The following MAF variants were observed in gnomAD, a reference collection of about 807,000 sequenced individuals.
MAF encodes transcription factor Maf.
MAF carries 10 observed loss-of-function variants against 22.0 expected under a neutral mutation model. That is an observed-to-expected ratio of 0.45 (90% CI 0.28 to 0.77). The LOEUF (loss-of-function observed/expected upper bound fraction) is 0.77, where lower values mean the gene tolerates loss of function less well. Among genes scored for constraint, MAF ranks in the 30% least tolerant of loss-of-function variants. The pLI, the probability that MAF is intolerant of heterozygous loss-of-function variation, is 0.12. For missense variants in MAF, 544 were observed against 548.4 expected (o/e 0.99, Z 0.08); for synonymous variants, 337 against 255.8 (o/e 1.32, Z -3.03).
At chr16:79,314,822 A>G in the MAF span, among the ~76,000 whole-genome samples, 3 of 152,108 alleles carry the variant, frequency 2.0e-5, no homozygotes, top group African/African-American at 4.8e-5. Flanking sequence ...TTCCCTTCCT[A>G]GAAGGCAGAG....
At chr16:79,363,316 G>A in the MAF span, among the ~76,000 whole-genome samples, 2 of 152,144 alleles carry the variant, frequency 1.3e-5, no homozygotes, top group Admixed American at 6.5e-5. Flanking sequence ...CCCAACCTAA[G>A]TTGAATATAT....
intron 1 of MAF, 173 bp from the exon 2 acceptor site, chr16:79,594,726 GTATT>G (rs1913412522): frequency 7.1e-7 from 1 of 1,412,914 alleles, no homozygotes; most frequent in Non-Finnish European, 9.2e-7. Flanking sequence ...AAAAAAACAT[GTATT>G]TGTTTGCTAC....
At chr16:79,410,219 G>C in the MAF span, among the ~76,000 whole-genome samples, 1 of 152,028 alleles carries the variant, frequency 6.6e-6, no homozygotes, top group Admixed American at 6.5e-5. Context: ...CCCTTTTTTT[G>C]TCTATAAATC....
chr16:79,460,744 TCTTA>T, the MAF span, among the ~76,000 whole-genome samples: 1 of 152,180 alleles, frequency 6.6e-6, no homozygotes, highest in Admixed American at 6.5e-5. Flanking sequence ...TTTCTCCAAG[TCTTA>T]CTTTAAAACA....
the MAF span, among the ~76,000 whole-genome samples, chr16:79,340,225 A>T: frequency 1.2e-4 from 19 of 152,134 alleles, no homozygotes; most frequent in African/African-American, 4.6e-4. Flanking sequence ...TTAAGCAGAG[A>T]TAACAGGAGA....
chr16:79,234,039 A>C, the MAF span, among the ~76,000 whole-genome samples: 1 of 151,592 alleles, frequency 6.6e-6, no homozygotes, highest in Non-Finnish European at 1.5e-5. Context: ...AAGATCAAAC[A>C]CCAATTTTTG....
the MAF span, among the ~76,000 whole-genome samples, chr16:79,294,997 T>C: frequency 7.2e-6 from 1 of 139,202 alleles, no homozygotes; most frequent in Non-Finnish European, 1.5e-5. Flanking sequence ...ACAGTCTACT[T>C]CCCCCTAGAG....
At chr16:79,393,570 T>A in the MAF span, among the ~76,000 whole-genome samples, 1 of 152,180 alleles carries the variant, frequency 6.6e-6, no homozygotes, top group African/African-American at 2.4e-5. Flanking sequence ...GCCTCCTCAC[T>A]CTTTTTTAGG....
At chr16:79,525,861 C>A in the MAF span, among the ~76,000 whole-genome samples, 4 of 152,118 alleles carry the variant, frequency 2.6e-5, no homozygotes. Flanking sequence ...AAGAAAGAGG[C>A]AAGAATTCGC....
At chr16:79,389,629 G>C in the MAF span, among the ~76,000 whole-genome samples, 1 of 151,592 alleles carries the variant, frequency 6.6e-6, no homozygotes, top group East Asian at 2.0e-4. Flanking sequence ...TCTTTTTTAA[G>C]TTTGGGAAAA....
chr16:79,255,075 C>T, the MAF span, among the ~76,000 whole-genome samples: 4 of 152,170 alleles, frequency 2.6e-5, no homozygotes, highest in South Asian at 2.1e-4. Flanking sequence ...TTTTATGTCT[C>T]CTGAAAACGT....
chr16:79,230,903 C>T, the MAF span, among the ~76,000 whole-genome samples: 1 of 151,970 alleles, frequency 6.6e-6, no homozygotes, highest in African/African-American at 2.4e-5. Flanking sequence ...TTTTTCTGAT[C>T]CTACGGGGTA....
chr16:79,278,336 TA>T, the MAF span, among the ~76,000 whole-genome samples: 1 of 152,244 alleles, frequency 6.6e-6, no homozygotes, highest in Non-Finnish European at 1.5e-5. Flanking sequence ...ATACCATGCT[TA>T]AAAACTACAG....
chr16:79,378,415 C>A, the MAF span, among the ~76,000 whole-genome samples: 1 of 152,090 alleles, frequency 6.6e-6, no homozygotes, highest in African/African-American at 2.4e-5. Flanking sequence ...TAAAACCAAG[C>A]TTGGCGAAAC....
At chr16:79,273,019 T>A in the MAF span, among the ~76,000 whole-genome samples, 1 of 152,228 alleles carries the variant, frequency 6.6e-6, no homozygotes, top group Non-Finnish European at 1.5e-5. Context: ...AAGAAGTATG[T>A]TAAAATGACA....
At chr16:79,397,055 T>C in the MAF span, among the ~76,000 whole-genome samples, 36 of 152,336 alleles carry the variant, frequency 2.4e-4, no homozygotes, top group South Asian at 7.2e-3. Flanking sequence ...AAAATGGGAC[T>C]AAAATGCCGA....
At chr16:79,321,574 G>C in the MAF span, among the ~76,000 whole-genome samples, 1 of 151,886 alleles carries the variant, frequency 6.6e-6, no homozygotes, top group Non-Finnish European at 1.5e-5. Flanking sequence ...AGAGGGAAAG[G>C]CATCACCAGA....
At chr16:79,275,386 G>T in the MAF span, among the ~76,000 whole-genome samples, 1 of 152,122 alleles carries the variant, frequency 6.6e-6, no homozygotes, top group African/African-American at 2.4e-5. Context: ...TTGAGAAGTT[G>T]CATGTTTGTT....
chr16:79,523,544 A>C, the MAF span, among the ~76,000 whole-genome samples: 1 of 152,234 alleles, frequency 6.6e-6, no homozygotes, highest in African/African-American at 2.4e-5. Flanking sequence ...TTGCTGAGTG[A>C]TACAACTGGA....
Sources: gnomAD v4.1 joint callset for allele counts (sites outside exome capture counted in the v4.1 genomes callset) on GRCh38, gnomAD v4.1.1 for gene constraint, MANE v1.5 for transcripts, NCBI Gene and HGNC (gene_info 2026-07-23, HGNC 2026-07-21) for gene names.